The following PCDH15 variants were observed in gnomAD, a reference collection of about 807,000 sequenced individuals.
PCDH15 encodes the protein protocadherin related 15.
PCDH15 carries 129 observed loss-of-function variants against 178.5 expected under a neutral mutation model. That is an observed-to-expected ratio of 0.72 (90% CI 0.63 to 0.84). The LOEUF (loss-of-function observed/expected upper bound fraction) is 0.84, where lower values mean the gene tolerates loss of function less well. Ranked by LOEUF, PCDH15 falls within the 40% of genes least tolerant of loss-of-function variation. The pLI is 0.00. For synonymous variants in PCDH15, 800 were observed against 732.0 expected (o/e 1.09, Z -1.50); for missense variants, 2,230 against 2,099.9 (o/e 1.06, Z -1.21).
At chr10:55,409,198 T>C (rs1407862535) in intron 2 of PCDH15, among the ~76,000 whole-genome samples, 1 of 152,136 alleles carries the variant, frequency 6.6e-6, no homozygotes, top group African/African-American at 2.4e-5. Flanking sequence ...CACATCTCTA[T>C]GTGTATACAT....
At chr10:55,248,861 C>G (rs1021302993) in intron 1 of PCDH15, among the ~76,000 whole-genome samples, 1 of 152,122 alleles carries the variant, frequency 6.6e-6, no homozygotes, top group Non-Finnish European at 1.5e-5. Context: ...CTAGCCAATT[C>G]TTTCCAAAGT....
chr10:54,332,340 T>C (rs1432209772), intron 6 of PCDH15, among the ~76,000 whole-genome samples: 1 of 129,340 alleles, frequency 7.7e-6, no homozygotes, highest in African/African-American at 2.9e-5. Context: ...TTATATATTA[T>C]TATATATAAT....
chr10:55,461,167 C>G (rs569237707), intron 2 of PCDH15, among the ~76,000 whole-genome samples: 4 of 152,232 alleles, frequency 2.6e-5, no homozygotes, highest in African/African-American at 7.2e-5. Flanking sequence ...ATCTCTAGAG[C>G]TTTCTCTCCG....
intron 3 of PCDH15, among the ~76,000 whole-genome samples, chr10:54,516,308 GA>G (rs34980665): frequency 0.081 from 12,272 of 151,310 alleles, 692 homozygotes; most frequent in African/African-American, 0.15. Flanking sequence ...TAAAAACTTT[GA>G]AAAAAAAAAT....
At chr10:55,020,545 A>C (rs1305861499) in intron 2 of PCDH15, among the ~76,000 whole-genome samples, 3 of 152,156 alleles carry the variant, frequency 2.0e-5, no homozygotes, top group African/African-American at 7.2e-5. Flanking sequence ...TTTATTTGTT[A>C]ATCTATTACT....
intron 2 of PCDH15, among the ~76,000 whole-genome samples, chr10:54,912,266 C>G (rs1305724734): frequency 6.6e-6 from 1 of 151,892 alleles, no homozygotes; most frequent in Non-Finnish European, 1.5e-5. Context: ...TAGGAAGATA[C>G]TAGATATAGT....
chr10:54,627,402 C>T lies in PCDH15; in HGVS notation c.91+36770G>A, dbSNP rs192956243. ...TTGAATCATGGGGGCAGATCTTTCC[C>T]GTACTGTTCTCATGATAGTGAATGG... is the stretch of plus-strand genomic sequence containing the variant. On this transcript the variant is annotated intron_variant, in intron 2 of 37. Coordinates refer to ENST00000644397, the MANE Select transcript of PCDH15 (RefSeq NM_001384140.1). 1.6e-4 allele frequency among the ~76,000 whole-genome samples: 24 copies of T among 152,116 alleles called. No individual in the cohort carries two copies. The East Asian group carries it at 3.3e-3, about 21-fold the overall frequency.
Position 53,903,499 on chromosome 10 carries a change from C to T in PCDH15, c.3374-129G>A, listed in dbSNP as rs183516767. 7.6e-5 allele frequency: 77 copies of T among 1,018,710 alleles called. 2 individuals carry two copies. In the Middle Eastern group the frequency reaches 1.2e-3, roughly 15 times the overall value. 63.1% of individuals were successfully genotyped at this position (1,018,710 alleles called of 1,614,324 possible). A position where few individuals can be genotyped will look rare whatever the true frequency, so the allele number is the denominator to read the frequency against. On this transcript the variant is annotated intron_variant, in intron 25 of 37. Coordinates refer to ENST00000644397, the MANE Select transcript of PCDH15 (RefSeq NM_001384140.1). ...TAAATCAAAAGCCATTTCTAGATGC[C>T]ATGCCTAGCACCCCCAAATTCAGGG...
intron 2 of PCDH15, among the ~76,000 whole-genome samples, chr10:54,619,637 T>C (rs2093292040): frequency 2.0e-5 from 3 of 152,040 alleles, no homozygotes; most frequent in Admixed American, 2.0e-4. Flanking sequence ...TTAAATAAGA[T>C]GTGCTCACTT....
At chr10:55,260,149 C>G (rs539723885) in intron 1 of PCDH15, among the ~76,000 whole-genome samples, 1 of 150,958 alleles carries the variant, frequency 6.6e-6, no homozygotes, top group Non-Finnish European at 1.5e-5. Flanking sequence ...CTGCCCTTCT[C>G]GGTGACAGTA....
intron 2 of PCDH15, among the ~76,000 whole-genome samples, chr10:55,593,681 T>C (rs1261280160): frequency 4.6e-5 from 7 of 151,898 alleles, no homozygotes; most frequent in African/African-American, 1.7e-4. Flanking sequence ...ACTTATCTTA[T>C]CAACCATTGA....
intron 14 of PCDH15, among the ~76,000 whole-genome samples, chr10:54,143,267 A>G (rs1176107630): frequency 6.6e-6 from 1 of 152,164 alleles, no homozygotes; most frequent in Non-Finnish European, 1.5e-5. Context: ...ATGTCTTAAT[A>G]TAAGTTGTCA....
chr10:54,324,610 AC>A (rs987621632), intron 7 of PCDH15, among the ~76,000 whole-genome samples: 46 of 152,012 alleles, frequency 3.0e-4, no homozygotes, highest in African/African-American at 1.1e-3. Flanking sequence ...TACTAAAAAT[AC>A]AAAAAATTAG....
At chr10:54,755,577 C>G (rs1468313007) in intron 1 of PCDH15, among the ~76,000 whole-genome samples, 8 of 151,858 alleles carry the variant, frequency 5.3e-5, no homozygotes, top group Non-Finnish European at 1.0e-4. Flanking sequence ...ATGGAATAAA[C>G]AGGGAAGAGA....
chr10:55,367,906 A>C (rs1845407381), intron 2 of PCDH15, among the ~76,000 whole-genome samples: 1 of 152,146 alleles, frequency 6.6e-6, no homozygotes, highest in Non-Finnish European at 1.5e-5. Context: ...AACACTGTTT[A>C]TCTACTTATT....
intron 2 of PCDH15, among the ~76,000 whole-genome samples, chr10:55,434,285 T>C (rs1263139874): frequency 6.6e-6 from 1 of 151,866 alleles, no homozygotes; most frequent in Non-Finnish European, 1.5e-5. Context: ...CTCGATCTCC[T>C]GACCTCGTGA....
chr10:54,780,629 C>T (rs1019553492), intron 1 of PCDH15, among the ~76,000 whole-genome samples: 4 of 149,870 alleles, frequency 2.7e-5, no homozygotes, highest in Non-Finnish European at 5.9e-5. Flanking sequence ...CTTAGGAAAA[C>T]ACTATCAAGT....
At chr10:55,317,205 T>C (rs555232362) in intron 1 of PCDH15, among the ~76,000 whole-genome samples, 12 of 152,292 alleles carry the variant, frequency 7.9e-5, no homozygotes, top group Admixed American at 7.2e-4. Context: ...TCTCAACACA[T>C]TGTTGTGATT....
intron 2 of PCDH15, among the ~76,000 whole-genome samples, chr10:54,946,680 C>G (rs932125256): frequency 1.1e-4 from 16 of 151,728 alleles, no homozygotes; most frequent in African/African-American, 3.4e-4. Flanking sequence ...TTTGAAGAAT[C>G]CGTGCAATGT....
Sources: allele counts gnomAD v4.1 joint callset (sites outside exome capture counted in the v4.1 genomes callset), GRCh38; gene constraint gnomAD v4.1.1; transcripts MANE v1.5; gene names NCBI Gene and HGNC (gene_info 2026-07-23, HGNC 2026-07-21).